The following DLG2 variants were observed in gnomAD, a reference collection of about 807,000 sequenced individuals.
DLG2 encodes the protein discs large MAGUK scaffold protein 2, also known as disks large homolog 2.
A neutral mutation model predicts 132.5 loss-of-function variants in DLG2; 45 were observed. The ratio of observed to expected loss-of-function variants is 0.34; its 90% confidence interval spans 0.27 to 0.44. The LOEUF is 0.44. Among genes scored for constraint, DLG2 ranks in the 20% least tolerant of loss-of-function variants. DLG2 has a pLI of 1.00. For missense variants in DLG2, 1,045 were observed against 1,196.9 expected, an observed-to-expected ratio of 0.87 and a Z score of 1.87; for synonymous variants, 424 against 419.6, an observed-to-expected ratio of 1.01 and a Z score of -0.13.
chr11:84,595,485 T>TAA (rs111591484), intron 6 of DLG2, among the ~76,000 whole-genome samples: 13,912 of 135,662 alleles, frequency 0.1, 719 homozygotes, highest in Admixed American at 0.16. Flanking sequence ...TTCCTTTTTC[T>TAA]AAAAAAAAAA....
intron 11 of DLG2, among the ~76,000 whole-genome samples, chr11:83,981,614 T>A (rs910418793): frequency 2.0e-5 from 3 of 152,088 alleles, no homozygotes; most frequent in African/African-American, 4.8e-5. Flanking sequence ...ACTACTTTTT[T>A]AAATTTTTAG....
intron 6 of DLG2, among the ~76,000 whole-genome samples, chr11:84,596,102 A>G (rs557707725): frequency 7.7e-4 from 117 of 152,300 alleles, no homozygotes; most frequent in African/African-American, 2.8e-3. Flanking sequence ...AAAAAAGAAA[A>G]CATTTATTAG....
chr11:83,827,048 A>G (rs575064537), intron 17 of DLG2, among the ~76,000 whole-genome samples: 27 of 152,218 alleles, frequency 1.8e-4, no homozygotes, highest in African/African-American at 6.3e-4. Flanking sequence ...CTAGGAAAGC[A>G]AGGTTCCTTC....
intron 6 of DLG2, among the ~76,000 whole-genome samples, chr11:84,658,956 C>G (rs2099691456): frequency 1.3e-5 from 2 of 152,152 alleles, no homozygotes. Flanking sequence ...ATCTATGAAT[C>G]AGGAACTGAG....
At position 85,618,873 on chromosome 11, in the gene DLG2, A is replaced by G. The variant is rs139548541; in HGVS notation, c.-93+7714T>C. On this transcript the variant is annotated intron_variant, in intron 2 of 27. Transcript: ENST00000376104. The stretch of plus-strand genomic sequence containing the variant: ...GCCTAAGGGAGAAATCAAATATTCT[A>G]TCATAAATAAAAACACTTGAGCAGA... Among the ~76,000 whole-genome samples, 1,322 of 152,352 alleles carry G rather than the reference A, an allele frequency of 8.7e-3. 14 individuals carry two copies. Among genetic ancestry groups the G allele is most frequent in the South Asian group, 0.018 (88 of 4,830 alleles).
chr11:84,741,355 C>T (rs1053345223), intron 6 of DLG2, among the ~76,000 whole-genome samples: 11 of 152,050 alleles, frequency 7.2e-5, no homozygotes, highest in Admixed American at 1.3e-4. Flanking sequence ...CGCCCGGCCG[C>T]CTATGCTCTT....
chr11:84,804,972 T>C (rs1272933473), intron 6 of DLG2, among the ~76,000 whole-genome samples: 3 of 152,280 alleles, frequency 2.0e-5, no homozygotes, highest in African/African-American at 4.8e-5. Flanking sequence ...TCCCACCTGA[T>C]GGCAACAATA....
intron 5 of DLG2, among the ~76,000 whole-genome samples, chr11:85,146,227 CCTCTCTCTCTCTCTCTCTCTCT>C (rs35640163): frequency 7.7e-6 from 1 of 129,110 alleles, no homozygotes; most frequent in Non-Finnish European, 1.6e-5. Flanking sequence ...TCTGTTTCTC[CCTCTCTCTCTCTCTCTCTCTCT>C]CTCTCTCTCT....
At chr11:84,626,853 T>G (rs1029594897) in intron 6 of DLG2, among the ~76,000 whole-genome samples, 1 of 142,044 alleles carries the variant, frequency 7.0e-6, no homozygotes, top group East Asian at 2.0e-4. Context: ...TTACATATTT[T>G]ATTTTATTTT....
intron 6 of DLG2, among the ~76,000 whole-genome samples, chr11:84,805,357 T>C (rs1472393411): frequency 6.6e-6 from 1 of 152,176 alleles, no homozygotes; most frequent in South Asian, 2.1e-4. Flanking sequence ...ATCAGTCATA[T>C]TACCAAGAAC....
chr11:84,648,019 A>T (rs769938891), intron 6 of DLG2, among the ~76,000 whole-genome samples: 5 of 152,162 alleles, frequency 3.3e-5, no homozygotes, highest in African/African-American at 4.8e-5. Flanking sequence ...TTTACAGATG[A>T]AGAAAATGAG....
At chr11:84,139,068 T>C (rs1238800283) in intron 9 of DLG2, among the ~76,000 whole-genome samples, 1 of 152,088 alleles carries the variant, frequency 6.6e-6, no homozygotes, top group African/African-American at 2.4e-5. Context: ...CAGGTTTGTA[T>C]CATGGAATAG....
chr11:83,675,612 C>T (rs532957923), intron 18 of DLG2, among the ~76,000 whole-genome samples: 1 of 152,306 alleles, frequency 6.6e-6, no homozygotes, highest in African/African-American at 2.4e-5. Context: ...AGAATCAGAA[C>T]ATTTGACTGT....
intron 4 of DLG2, among the ~76,000 whole-genome samples, chr11:85,217,577 C>A (rs1207336116): frequency 6.6e-6 from 1 of 152,192 alleles, no homozygotes; most frequent in Non-Finnish European, 1.5e-5. Context: ...GGAGATTCTA[C>A]TATGCTGTCT....
chr11:83,850,160 GT>G lies in DLG2; in HGVS notation c.1566-16391del, dbSNP rs145688257. 1.2e-3 allele frequency among the ~76,000 whole-genome samples: 152 copies of G among 124,370 alleles called. 1 individual carries two copies. Among genetic ancestry groups the G allele is most frequent in the Admixed American group, 5.5e-3 (70 of 12,620 alleles). 81.6% of individuals were successfully genotyped at this position (124,370 alleles called of 152,430 possible). ...TGTGTGTGTGTGTGTGTGTGTGTGTGTTTTTTTACTTGAGACGGAGTCTCAC... is the reference window on the plus strand; with the variant it reads ...TGTGTGTGTGTGTGTGTGTGTGTGTGTTTTTTACTTGAGACGGAGTCTCAC... On this transcript the variant is annotated intron_variant, in intron 16 of 27. Transcript: ENST00000376104.
intron 13 of DLG2, among the ~76,000 whole-genome samples, chr11:83,963,508 C>G (rs1175325897): frequency 6.6e-6 from 1 of 151,854 alleles, no homozygotes; most frequent in Non-Finnish European, 1.5e-5. Flanking sequence ...TTTCATTCCT[C>G]CTTCCTAATG....
intron 9 of DLG2, among the ~76,000 whole-genome samples, chr11:84,132,510 GA>G (rs755124567): frequency 1.5e-4 from 23 of 151,826 alleles, no homozygotes; most frequent in Non-Finnish European, 2.9e-4. Context: ...CGATACATAA[GA>G]AAAACTGAAA....
intron 6 of DLG2, among the ~76,000 whole-genome samples, chr11:85,098,082 G>C (rs142313924): frequency 3.9e-4 from 59 of 152,262 alleles, no homozygotes; most frequent in African/African-American, 1.4e-3. Flanking sequence ...ATAAGATAAG[G>C]ACTGAAGAGA....
At chr11:84,815,628 C>G (rs2156471) in intron 6 of DLG2, among the ~76,000 whole-genome samples, 47 of 152,066 alleles carry the variant, frequency 3.1e-4, no homozygotes, top group African/African-American at 1.1e-3. Flanking sequence ...TAGAGATATC[C>G]TTCATTAAGA....
Sources: gnomAD v4.1 joint callset for allele counts (sites outside exome capture counted in the v4.1 genomes callset) on GRCh38, gnomAD v4.1.1 for gene constraint, MANE v1.5 for transcripts, NCBI Gene and HGNC (gene_info 2026-07-23, HGNC 2026-07-21) for gene names.